The following RELL1 variants were observed in gnomAD, a reference collection of about 807,000 sequenced individuals.
RELL1 encodes RELT like 1.
Under a neutral mutation model 23.0 loss-of-function variants are expected in RELL1, and 10 were observed. The ratio of observed to expected loss-of-function variants is 0.43; its 90% CI spans 0.27 to 0.74. RELL1 has a LOEUF of 0.74. RELL1 is among the 30% of genes least tolerant of loss of function. The pLI, the probability that RELL1 is intolerant of heterozygous loss-of-function variation, is 0.19. For missense variants in RELL1, 315 were observed against 364.4 expected, an observed-to-expected ratio of 0.86 and a Z score of 1.10; for synonymous variants, 146 against 146.8, an observed-to-expected ratio of 0.99 and a Z score of 0.04.
chr4:37,607,941 T>C (rs977847212), downstream of RELL1, among the ~76,000 whole-genome samples: 1 of 152,150 alleles, frequency 6.6e-6, no homozygotes, highest in Non-Finnish European at 1.5e-5. Context: ...GTGTCACATA[T>C]GGGTAATTCT....
At chr4:37,604,864 CAGACACACACACACAT>C (rs1560323861) in intron 6 of RELL1, among the ~76,000 whole-genome samples, 14 of 111,182 alleles carry the variant, frequency 1.3e-4, no homozygotes, top group South Asian at 3.0e-4. Context: ...CACACACACA[CAGACACACACACACAT>C]ACACACAGAC....
chr4:37,611,423 C>T lies in RELL1; in HGVS notation c.*1923G>A, dbSNP rs1719372481. On this transcript the variant is annotated 3_prime_UTR_variant, in exon 7 of 7. Coordinates refer to ENST00000454158, the MANE Select transcript of RELL1 (RefSeq NM_001085400.2). ...TAAAAATTCTCATGAAACTAAATTC[C>T]CCATTTATTTAAAAGGTTAGAAATG... Among the ~76,000 whole-genome samples the T allele has an allele frequency of 1.3e-5, 2 of 152,164 alleles. No homozygotes were observed. The highest frequency in any genetic ancestry group is 4.8e-5 in the African/African-American group (2 of 41,514).
chr4:37,626,046 A>C (rs1719933325), intron 6 of RELL1, among the ~76,000 whole-genome samples: 1 of 152,212 alleles, frequency 6.6e-6, no homozygotes, highest in Admixed American at 6.5e-5. Flanking sequence ...TAATGAGATA[A>C]TACCTCACAC....
chr4:37,685,015 C>T (rs1722352938), intron 1 of RELL1, among the ~76,000 whole-genome samples: 1 of 152,132 alleles, frequency 6.6e-6, no homozygotes, highest in Non-Finnish European at 1.5e-5. Context: ...GCTGCCATTT[C>T]CCCAGGTGGA....
chr4:37,666,094 C>T (rs1721521505), intron 1 of RELL1, among the ~76,000 whole-genome samples: 3 of 152,114 alleles, frequency 2.0e-5, no homozygotes. Context: ...ACTACTTTAC[C>T]ACCAACTGCT....
intron 1 of RELL1, among the ~76,000 whole-genome samples, chr4:37,672,061 T>A (rs896826192): frequency 2.6e-5 from 4 of 152,146 alleles, no homozygotes; most frequent in Admixed American, 2.6e-4. Context: ...CATCCATATG[T>A]CACCAACCCA....
chr4:37,661,279 T>G (rs1305832627), intron 1 of RELL1, among the ~76,000 whole-genome samples: 1 of 151,642 alleles, frequency 6.6e-6, no homozygotes, highest in South Asian at 2.1e-4. Context: ...GTTTGTTTGT[T>G]TGTTTGTTTG....
At position 37,612,322 on chromosome 4, in the gene RELL1, T is replaced by TTAA. The variant is rs546339779; in HGVS notation, c.*1023_*1024insTTA. Among the ~76,000 whole-genome samples, 40,293 of 83,096 alleles carry TTAA rather than the reference T, an allele frequency of 0.48. 7,254 individuals are homozygous for TTAA. The highest frequency in any genetic ancestry group is 0.59 in the Non-Finnish European group (26,326 of 44,524). The allele number at this position is 83,096 out of a possible 152,430, so 54.5% of individuals were successfully genotyped here. ...AACCAAGAATCGCTCAGCTAAAGGT[T>TTAA]AAAAAAAAAAAAAAAACAAAAAAAA... On this transcript the variant is annotated 3_prime_UTR_variant, in exon 7 of 7. Coordinates refer to ENST00000454158, the MANE Select transcript of RELL1 (RefSeq NM_001085400.2).
At chr4:37,595,572 GACATGGTGTAATAAAGGTAT>G (rs6148405) in intron 6 of RELL1, among the ~76,000 whole-genome samples, 2 of 148,396 alleles carry the variant, frequency 1.3e-5, no homozygotes, top group Admixed American at 1.3e-4. Flanking sequence ...GCTGGATTGT[GACATGGTGTAATAAAGGTAT>G]ACATGGTGTA....
Position 37,686,342 on chromosome 4 carries a change from G to A in RELL1, c.-55C>T, listed in dbSNP as rs1054220423. The stretch of plus-strand genomic sequence containing the variant: ...GGCGCCGCGTCCCGCGCTCGGGAAG[G>A]CAGAGCCGCTCCGGAGCCGGCGGGC... On this transcript the variant is annotated 5_prime_UTR_variant, in exon 1 of 7. Transcript: ENST00000454158. The A allele has an allele frequency of 5.7e-5, 77 of 1,354,530 alleles. No individual in the cohort carries two copies. Among genetic ancestry groups the A allele is most frequent in the African/African-American group, 7.6e-5 (5 of 65,418 alleles). The allele number at this position is 1,354,530 out of a possible 1,614,324, so 83.9% of individuals were successfully genotyped here. A position where few individuals can be genotyped will look rare whatever the true frequency, so the allele number is the denominator to read the frequency against.
downstream of RELL1, among the ~76,000 whole-genome samples, chr4:37,606,926 C>T (rs1266179077): frequency 1.3e-5 from 2 of 152,170 alleles, no homozygotes; most frequent in South Asian, 4.1e-4. This position sits in a 1 kb window ranked among gnomAD's most constrained non-coding sequence, Gnocchi z 4.1. Context: ...CAGACACCAC[C>T]TTGGGCAATG....
chr4:37,636,766 C>G (rs1175501489), intron 4 of RELL1, among the ~76,000 whole-genome samples: 1 of 152,092 alleles, frequency 6.6e-6, no homozygotes, highest in African/African-American at 2.4e-5. Context: ...GCGTGGCACC[C>G]ACAGCCTGAC....
At chr4:37,656,608 A>G (rs1350403573) in intron 1 of RELL1, among the ~76,000 whole-genome samples, 1 of 152,222 alleles carries the variant, frequency 6.6e-6, no homozygotes, top group Non-Finnish European at 1.5e-5. Flanking sequence ...CCAATGTAAC[A>G]GTGTTGAGCT....
At chr4:37,635,957 C>G (rs1720313476) in intron 4 of RELL1, among the ~76,000 whole-genome samples, 1 of 152,146 alleles carries the variant, frequency 6.6e-6, no homozygotes, top group African/African-American at 2.4e-5. Context: ...AAGTGATGTT[C>G]AAAACAGATG....
At chr4:37,604,820 C>CAG (rs1560323666) in intron 6 of RELL1, among the ~76,000 whole-genome samples, 1 of 107,044 alleles carries the variant, frequency 9.3e-6, no homozygotes, top group Admixed American at 9.7e-5. Context: ...GACACACACA[C>CAG]AGACACACAC....
intron 6 of RELL1, among the ~76,000 whole-genome samples, chr4:37,616,873 G>A (rs1166773667): frequency 3.3e-5 from 5 of 152,202 alleles, no homozygotes; most frequent in Non-Finnish European, 7.3e-5. Context: ...TGATGGCTGT[G>A]CATGTGACAC....
At chr4:37,665,207 C>T (rs1193815101) in intron 1 of RELL1, 4 of 455,828 alleles carry the variant, frequency 8.8e-6, no homozygotes, top group Non-Finnish European at 1.8e-5. Context: ...ACTTACACCC[C>T]ATTTGCCAAA....
intron 3 of RELL1, among the ~76,000 whole-genome samples, 177 bp downstream of exon 3, chr4:37,647,191 A>G (rs3849017): frequency 0.61 from 93,327 of 152,078 alleles, 28,917 homozygotes; most frequent in Middle Eastern, 0.68. Context: ...AGACCGACTC[A>G]CGCTTAGAAA....
chr4:37,601,494 G>A (rs183155046), intron 6 of RELL1, among the ~76,000 whole-genome samples: 383 of 152,318 alleles, frequency 2.5e-3, no homozygotes, highest in Non-Finnish European at 4.2e-3. Flanking sequence ...TAAGGTCACA[G>A]ACAGCAAAGG....
Sources: allele counts gnomAD v4.1 joint callset (sites outside exome capture counted in the v4.1 genomes callset), GRCh38; gene constraint gnomAD v4.1.1; non-coding constraint Gnocchi (gnomAD v3.1); transcripts MANE v1.5; gene names NCBI Gene and HGNC (gene_info 2026-07-23, HGNC 2026-07-21).